RTP2: variants seen among roughly 807,000 people sequenced by gnomAD.
The protein encoded by RTP2 is receptor transporter protein 2.
RTP2 carries 12 observed loss-of-function variants against 17.9 expected under a neutral mutation model. The observed-to-expected ratio is 0.67, with a 90% confidence interval of 0.43 to 1.09. The LOEUF (loss-of-function observed/expected upper bound fraction) is 1.09. RTP2 is among the 50% of genes least tolerant of loss of function. The probability of loss-of-function intolerance (pLI) is 0.00; values close to 1 mark genes in which losing one functional copy is unlikely to be tolerated. For missense variants in RTP2, 327 were observed against 295.7 expected (o/e 1.11, Z -0.78); for synonymous variants, 126 against 117.7 (o/e 1.07, Z -0.46).
At chr3:187,698,274 T>G in exon 2 of RTP2, 1 of 531,094 alleles carries the variant, frequency 1.9e-6, no homozygotes. Context: ...CTCTAAAACC[T>G]TTATTACACC....
At chr3:187,715,149 T>C in the RTP2 span, among the ~76,000 whole-genome samples, 1 of 152,194 alleles carries the variant, frequency 6.6e-6, no homozygotes, top group Non-Finnish European at 1.5e-5. Flanking sequence ...TCCCTCGCCA[T>C]GATTAAAATC....
At chr3:187,703,948 T>C (rs1218578998), upstream of RTP2, among the ~76,000 whole-genome samples, 1 of 152,222 alleles carries the variant, frequency 6.6e-6, no homozygotes, top group Non-Finnish European at 1.5e-5. Flanking sequence ...TTCATCTTTC[T>C]GTGTAACAGC....
At chr3:187,706,952 T>TA (rs558298574), upstream of RTP2, among the ~76,000 whole-genome samples, 110 of 152,302 alleles carry the variant, frequency 7.2e-4, 1 homozygote, top group African/African-American at 2.4e-3. Flanking sequence ...TGAGCACACC[T>TA]ACCACACACA....
chr3:187,713,249 C>T, the RTP2 span, among the ~76,000 whole-genome samples: 1 of 152,238 alleles, frequency 6.6e-6, no homozygotes, highest in African/African-American at 2.4e-5. Context: ...TCTCTGTCTA[C>T]TCCCAGAATT....
the RTP2 span, among the ~76,000 whole-genome samples, chr3:187,715,358 A>C: frequency 2.0e-5 from 3 of 152,184 alleles, no homozygotes; most frequent in African/African-American, 7.2e-5. Flanking sequence ...TTATTCTATC[A>C]AGCTGAGTTC....
At chr3:187,698,962 T>A in exon 2 of RTP2, 1 of 1,606,074 alleles carries the variant, frequency 6.2e-7, no homozygotes, top group Non-Finnish European at 8.5e-7. Context: ...TGGAAGAGGA[T>A]GACCACATGG....
chr3:187,702,689 G>T, upstream of RTP2: 1 of 402,458 alleles, frequency 2.5e-6, no homozygotes, highest in South Asian at 1.8e-5. Flanking sequence ...AAGCAGATCA[G>T]ATCAGGAAAC....
upstream of RTP2, among the ~76,000 whole-genome samples, chr3:187,703,702 C>T (rs975505308): frequency 2.6e-5 from 4 of 152,176 alleles, no homozygotes; most frequent in Non-Finnish European, 4.4e-5. Flanking sequence ...TGGCCAGGAA[C>T]TGAACGAAGC....
chr3:187,701,489 T>TA (rs1717845576), intron 1 of RTP2, among the ~76,000 whole-genome samples: 1 of 152,216 alleles, frequency 6.6e-6, no homozygotes, highest in Non-Finnish European at 1.5e-5. Context: ...TACTTAGCTA[T>TA]ATAGAGCCAG....
At chr3:187,704,331 G>A (rs1717936542), upstream of RTP2, among the ~76,000 whole-genome samples, 1 of 152,186 alleles carries the variant, frequency 6.6e-6, no homozygotes, top group Admixed American at 6.5e-5. Flanking sequence ...AAATGCCAGT[G>A]TGGAGCTTAA....
At chr3:187,698,369 C>A in exon 2 of RTP2, 1 of 722,392 alleles carries the variant, frequency 1.4e-6, no homozygotes, top group Non-Finnish European at 2.2e-6. Context: ...TCCGCAGATG[C>A]ATTAACTGAG....
In RTP2 at chr3:187,698,875, T is replaced by C. The variant is rs147011640; in HGVS notation, c.301A>G (p.Thr101Ala). ...ATGCTGGACTCGTCCAGCCGCGCCG[T>C]GCCGCACTCATAGCACAGCTGCTTG... The change falls in exon 2 of 2, where the codon ACG becomes GCG. Residue 101 changes from threonine (T) to alanine (A), a missense_variant. By Grantham distance (58) the Thr-to-Ala change is moderately conservative. Transcript: ENST00000358241. 1.8e-5 allele frequency: 29 copies of C among 1,613,102 alleles called. 1 individual carries two copies. In the African/African-American group the frequency reaches 2.9e-4, roughly 16 times the overall value.
At chr3:187,715,071 G>A in the RTP2 span, among the ~76,000 whole-genome samples, 1 of 152,094 alleles carries the variant, frequency 6.6e-6, no homozygotes. Flanking sequence ...ACAACCCTCC[G>A]CAAATGGCCC....
the RTP2 span, among the ~76,000 whole-genome samples, chr3:187,712,263 G>A: frequency 6.6e-6 from 1 of 152,116 alleles, no homozygotes; most frequent in Non-Finnish European, 1.5e-5. Flanking sequence ...AGGGAAACTT[G>A]CAGAAGGGTA....
At chr3:187,706,366 C>G (rs911149676), upstream of RTP2, among the ~76,000 whole-genome samples, 1 of 152,120 alleles carries the variant, frequency 6.6e-6, no homozygotes, top group Non-Finnish European at 1.5e-5. Flanking sequence ...AGTTAAAAAG[C>G]TACATTTCTT....
intron 1 of RTP2, among the ~76,000 whole-genome samples, chr3:187,699,320 C>A (rs1044125645): frequency 2.0e-5 from 3 of 152,146 alleles, no homozygotes; most frequent in African/African-American, 7.2e-5. Context: ...TGCACCTGGG[C>A]GCTGTGCAGG....
At chr3:187,702,239 G>A (rs1717872072) in exon 1 of RTP2, 1 of 1,117,206 alleles carries the variant, frequency 9.0e-7, no homozygotes, top group Admixed American at 2.2e-5. Context: ...TCATCGGCAG[G>A]ACTGGGAGTA....
intron 1 of RTP2, among the ~76,000 whole-genome samples, chr3:187,700,040 C>G (rs531980678): frequency 6.6e-6 from 1 of 152,326 alleles, no homozygotes; most frequent in Admixed American, 6.5e-5. Flanking sequence ...CAGATGTCCA[C>G]TGGGCTGTCC....
exon 1 of RTP2, chr3:187,702,271 C>G: frequency 1.3e-6 from 1 of 774,242 alleles, no homozygotes. Context: ...GCTCCCTCCT[C>G]TGTTACCCTG....
Sources: gnomAD v4.1 joint callset for allele counts (sites outside exome capture counted in the v4.1 genomes callset) on GRCh38, gnomAD v4.1.1 for gene constraint, MANE v1.5 for transcripts, NCBI Gene and HGNC (gene_info 2026-07-23, HGNC 2026-07-21) for gene names.